Variants in SLCO1B1 observed in about 807,000 individuals in gnomAD.
The protein encoded by SLCO1B1 is OATP-2.
In SLCO1B1, 81 loss-of-function variants were observed where a neutral mutation model predicts 70.1. The ratio of observed to expected loss-of-function variants is 1.16; its 90% CI spans 0.97 to 1.39. The LOEUF is 1.39. Ranked by LOEUF, SLCO1B1 falls within the 40% of genes most tolerant of loss-of-function variation. SLCO1B1 has a pLI of 0.00. For missense variants in SLCO1B1, 895 were observed against 799.6 expected (o/e 1.12, Z -1.44); for synonymous variants, 283 against 271.5 (o/e 1.04, Z -0.42).
chr12:21,135,490 A>C (rs1940204916), intron 1 of SLCO1B1, among the ~76,000 whole-genome samples: 1 of 152,174 alleles, frequency 6.6e-6, no homozygotes, highest in Non-Finnish European at 1.5e-5. Flanking sequence ...TAGGTCACTA[A>C]GGACTTGCTT....
chr12:21,181,119 T>C (rs1243628760), intron 7 of SLCO1B1, among the ~76,000 whole-genome samples: 1 of 152,190 alleles, frequency 6.6e-6, no homozygotes, highest in Non-Finnish European at 1.5e-5. Context: ...CAAAAGCACT[T>C]GTGTTCCTCA....
At chr12:21,224,885 T>A in intron 14 of SLCO1B1, 46 bp downstream of exon 14, 1 of 969,586 alleles carries the variant, frequency 1.0e-6, no homozygotes, top group Non-Finnish European at 1.6e-6. Context: ...TTGACTATAT[T>A]AATTCCTAAA....
intron 3 of SLCO1B1, among the ~76,000 whole-genome samples, chr12:21,173,620 A>G (rs927501029): frequency 5.5e-5 from 7 of 126,140 alleles, no homozygotes; most frequent in East Asian, 2.6e-4. Flanking sequence ...TAAATTTTTT[A>G]TAAAGTAAAA....
At position 21,200,626 on chromosome 12, in the gene SLCO1B1, A is replaced by G. The variant is rs762916273; in HGVS notation, c.1089A>G (p.Val363=). The G allele has an allele frequency of 7.4e-6, 12 of 1,612,362 alleles. No homozygotes were observed. Among genetic ancestry groups the G allele is most frequent in the Non-Finnish European group, 9.3e-6 (11 of 1,179,024 alleles). ...IGAFTYVFKY[V]EQQYGQPSSK... is the part of the protein sequence containing the mutation. ...CTTTTACTTATGTCTTCAAATACGTAGAGCAACAGTATGGTCAGCCTTCAT... is the reference window on the plus strand; with the variant it reads ...CTTTTACTTATGTCTTCAAATACGTGGAGCAACAGTATGGTCAGCCTTCAT... The change falls in exon 9 of 15, where the codon GTA becomes GTG. Residue 363 remains valine, a synonymous_variant. Transcript: ENST00000256958.
intron 14 of SLCO1B1, among the ~76,000 whole-genome samples, chr12:21,232,680 C>CCA (rs558994312): frequency 3.3e-5 from 5 of 150,120 alleles, no homozygotes; most frequent in South Asian, 4.2e-4. Flanking sequence ...ATTAATCAGA[C>CCA]CACACACACA....
intron 7 of SLCO1B1, among the ~76,000 whole-genome samples, chr12:21,182,681 G>A (rs1354223878): frequency 1.3e-5 from 2 of 152,150 alleles, no homozygotes; most frequent in African/African-American, 2.4e-5. Context: ...AGATCCCCCA[G>A]TGTAGCTACT....
chr12:21,174,492 C>G, intron 3 of SLCO1B1, 85 bp from the exon 4 acceptor site: 1 of 1,332,686 alleles, frequency 7.5e-7, no homozygotes, highest in Non-Finnish European at 1.1e-6. Flanking sequence ...ATGTCTTGGA[C>G]TCTATTTGCA....
In SLCO1B1 at chr12:21,174,650, TTG is replaced by T. The variant is rs772194160; in HGVS notation, c.302_303del (p.Cys101PhefsTer24). The T allele has an allele frequency of 1.9e-6, 3 of 1,613,582 alleles. No homozygotes were observed. The highest frequency in any genetic ancestry group is 2.5e-6 in the Non-Finnish European group (3 of 1,179,760). On this transcript the variant is annotated frameshift_variant, in exon 4 of 15. Coordinates refer to ENST00000256958, the MANE Select transcript of SLCO1B1 (RefSeq NM_006446.5). LOFTEE classifies it high-confidence loss of function. ...ATAGACCAAAGTTAATTGGAATCGG[TTG>T]TTTCATTATGGGAATTGGAGGTGTT... ...LHRPKLIGIG[C>X]FIMGIGGVLT...
rs111673960 is a variant in SLCO1B1 at position 21,131,709 on chromosome 12, C to A, written c.-62+473C>A. On this transcript the variant is annotated intron_variant, in intron 1 of 14. Transcript: ENST00000256958. ...ACATAAAAAACAGGTGTCTCAAAGT[C>A]ACATAACCACCTCAGTTTCCTTGTT... Among the ~76,000 whole-genome samples the A allele has an allele frequency of 7.9e-5, 12 of 152,126 alleles. 1 individual carries two copies. The highest frequency in any genetic ancestry group is 2.6e-4 in the Admixed American group (4 of 15,250).
At chr12:21,234,416 T>C (rs1199057037) in intron 14 of SLCO1B1, among the ~76,000 whole-genome samples, 1 of 152,220 alleles carries the variant, frequency 6.6e-6, no homozygotes, top group Non-Finnish European at 1.5e-5. Flanking sequence ...TAAATCATAA[T>C]TTCTAATCTT....
intron 11 of SLCO1B1, among the ~76,000 whole-genome samples, chr12:21,211,001 T>C (rs1489521623): frequency 6.6e-6 from 1 of 152,184 alleles, no homozygotes; most frequent in East Asian, 1.9e-4. Context: ...TCATGTCATC[T>C]GCAAACAGGG....
intron 8 of SLCO1B1, among the ~76,000 whole-genome samples, chr12:21,197,605 T>A (rs1441756400): frequency 2.0e-5 from 3 of 152,040 alleles, no homozygotes; most frequent in African/African-American, 7.2e-5. Flanking sequence ...AAGAACCTAG[T>A]GGGTGATGCT....
Position 21,164,344 on chromosome 12 carries a change from C to G in SLCO1B1, c.85-8306C>G, listed in dbSNP as rs923485043. On this transcript the variant is annotated intron_variant, in intron 2 of 14. Transcript: ENST00000256958. ...GTTATTCAAACCAGAAACTATAAAA[C>G]AAACATACAGTTATCCGAACTAGAA... 2.6e-5 allele frequency among the ~76,000 whole-genome samples: 4 copies of G among 152,200 alleles called. No homozygotes were observed. The East Asian group carries it at 7.7e-4, about 29-fold the overall frequency.
chr12:21,239,257 AT>A lies in SLCO1B1; in HGVS notation c.*73del. Reference sequence around the variant, plus strand: ...CATTGCATTGATTCAGTAAGATGTTATTTTTGAGGAGTTCCTGGTCCTTTCA... The same window carrying A: ...CATTGCATTGATTCAGTAAGATGTTATTTTGAGGAGTTCCTGGTCCTTTCA... On this transcript the variant is annotated 3_prime_UTR_variant, in exon 15 of 15. Transcript: ENST00000256958. The A allele has an allele frequency of 2.7e-6, 3 of 1,102,346 alleles. No individual in the cohort carries two copies. Among genetic ancestry groups the A allele is most frequent in the Non-Finnish European group, 1.4e-6 (1 of 715,844 alleles). The allele number at this position is 1,102,346 out of a possible 1,614,324, so 68.3% of individuals were successfully genotyped here.
At chr12:21,186,373 CTAAT>C (rs1159376086) in intron 7 of SLCO1B1, among the ~76,000 whole-genome samples, 1 of 152,072 alleles carries the variant, frequency 6.6e-6, no homozygotes, top group Non-Finnish European at 1.5e-5. Context: ...CCATGTGACA[CTAAT>C]TATCTCCACA....
chr12:21,239,078 T>C lies in SLCO1B1; in HGVS notation c.1965T>C (p.Asp655=). 2 of 1,597,494 alleles carry C rather than the reference T, an allele frequency of 1.3e-6. No homozygotes were observed. Among genetic ancestry groups the C allele is most frequent in the South Asian group, 2.2e-5 (2 of 90,492 alleles). ...YAMKKKYQEK[D]INASENGSVM... ...TGAAGAAAAAATATCAAGAGAAAGA[T>C]ATCAATGCATCAGAAAATGGAAGTG... is the stretch of plus-strand genomic sequence containing the variant. The change falls in exon 15 of 15, where the codon GAT becomes GAC. Residue 655 remains aspartate, a synonymous_variant. Coordinates refer to ENST00000256958, the MANE Select transcript of SLCO1B1 (RefSeq NM_006446.5).
At chr12:21,164,594 G>T (rs1467213798) in intron 2 of SLCO1B1, among the ~76,000 whole-genome samples, 1 of 152,024 alleles carries the variant, frequency 6.6e-6, no homozygotes, top group Non-Finnish European at 1.5e-5. Context: ...ATTTTAAAGT[G>T]CATATTGACT....
chr12:21,147,943 C>T (rs1940410079), intron 2 of SLCO1B1, among the ~76,000 whole-genome samples: 1 of 152,150 alleles, frequency 6.6e-6, no homozygotes, highest in African/African-American at 2.4e-5. Context: ...TTTTGATTTG[C>T]ATTCTCTAAT....
intron 14 of SLCO1B1, among the ~76,000 whole-genome samples, chr12:21,231,521 G>A (rs77857357): frequency 0.014 from 2,091 of 151,828 alleles, 44 homozygotes; most frequent in African/African-American, 0.048. Flanking sequence ...GTCATCAAGA[G>A]GGGCAAAAAG....
Sources: gnomAD v4.1 joint callset for allele counts (sites outside exome capture counted in the v4.1 genomes callset) on GRCh38, gnomAD v4.1.1 for gene constraint, MANE v1.5 for transcripts, NCBI Gene and HGNC (gene_info 2026-07-23, HGNC 2026-07-21) for gene names.